The following OXR1 variants were observed in gnomAD, a reference collection of about 807,000 sequenced individuals.
OXR1 encodes the protein oxidation resistance protein 1.
A neutral mutation model predicts 104.6 loss-of-function variants in OXR1; 41 were observed. That is an observed-to-expected ratio of 0.39 (90% confidence interval 0.31 to 0.51). The LOEUF (loss-of-function observed/expected upper bound fraction) is 0.51. OXR1 is among the 20% of genes least tolerant of loss of function. The pLI is 0.77. For missense variants in OXR1, 955 were observed against 1,031.9 expected, an observed-to-expected ratio of 0.93 and a Z score of 1.02; for synonymous variants, 348 against 348.4, an observed-to-expected ratio of 1.00 and a Z score of 0.01.
At chr8:106,672,886 A>T (rs1827191075) in intron 3 of OXR1, among the ~76,000 whole-genome samples, 1 of 152,106 alleles carries the variant, frequency 6.6e-6, no homozygotes, top group South Asian at 2.1e-4. Context: ...TTCTGCTATG[A>T]TTGTAAATTT....
chr8:106,732,107 T>C (rs7817274), intron 11 of OXR1, among the ~76,000 whole-genome samples: 45,153 of 151,998 alleles, frequency 0.3, 8,725 homozygotes, highest in African/African-American at 0.55. Context: ...TGTATTTTGT[T>C]AGAATTATAT....
chr8:106,622,391 G>A (rs958215099), intron 3 of OXR1, among the ~76,000 whole-genome samples: 1 of 151,126 alleles, frequency 6.6e-6, no homozygotes, highest in African/African-American at 2.4e-5. Flanking sequence ...TCATTGTATC[G>A]CTCCTTTGTC....
Position 106,610,823 on chromosome 8 carries a change from A to G in OXR1, c.221-68387A>G, listed in dbSNP as rs373314801. 5.9e-5 allele frequency among the ~76,000 whole-genome samples: 9 copies of G among 152,374 alleles called. No homozygotes were observed. The East Asian group carries it at 1.7e-3, about 29-fold the overall frequency. On this transcript the variant is annotated intron_variant, in intron 3 of 16. Coordinates refer to ENST00000517566, the MANE Select transcript of OXR1 (RefSeq NM_001198533.2). ...ACCAATAATTAGATGCAAATTTAAA[A>G]TAAAGTAATAAGATTCTGCCTGTTT... is the stretch of plus-strand genomic sequence containing the variant.
At chr8:106,346,179 G>C (rs1267865216) in intron 1 of OXR1, among the ~76,000 whole-genome samples, 1 of 151,080 alleles carries the variant, frequency 6.6e-6, no homozygotes, top group Non-Finnish European at 1.5e-5. Context: ...AAATTTTCTT[G>C]ATATAATTTG....
intron 10 of OXR1, among the ~76,000 whole-genome samples, chr8:106,713,564 T>C (rs1191959324): frequency 1.3e-5 from 2 of 151,960 alleles, no homozygotes; most frequent in African/African-American, 4.8e-5. Flanking sequence ...AGCTTTATAA[T>C]ATACAACATC....
At chr8:106,327,335 A>G (rs1026897374) in intron 1 of OXR1, among the ~76,000 whole-genome samples, 1 of 152,246 alleles carries the variant, frequency 6.6e-6, no homozygotes, top group Admixed American at 6.5e-5. Flanking sequence ...TTTTAATTTT[A>G]AAACTAATTT....
intron 7 of OXR1, among the ~76,000 whole-genome samples, chr8:106,694,444 T>G (rs1229217861): frequency 7.3e-6 from 1 of 137,868 alleles, no homozygotes. Context: ...ATAAATATAT[T>G]TTTATATATA....
intron 2 of OXR1, among the ~76,000 whole-genome samples, chr8:106,461,172 A>G (rs1164206907): frequency 1.3e-5 from 2 of 152,158 alleles, no homozygotes; most frequent in African/African-American, 4.8e-5. Flanking sequence ...TTAGCTCACT[A>G]TGAAGAAAAA....
intron 3 of OXR1, among the ~76,000 whole-genome samples, chr8:106,659,482 C>T (rs968613465): frequency 2.6e-5 from 4 of 152,114 alleles, no homozygotes; most frequent in Non-Finnish European, 5.9e-5. Context: ...CTCTGAAGGA[C>T]GTTAACCAAA....
chr8:106,743,066 G>A (rs549548738), intron 15 of OXR1, among the ~76,000 whole-genome samples: 61 of 152,108 alleles, frequency 4.0e-4, no homozygotes, highest in South Asian at 2.3e-3. Context: ...CTAATATCCA[G>A]AATCTACAAG....
intron 1 of OXR1, among the ~76,000 whole-genome samples, chr8:106,313,023 T>C (rs948493730): frequency 1.3e-5 from 2 of 152,154 alleles, no homozygotes; most frequent in African/African-American, 4.8e-5. Context: ...AACGTGATTA[T>C]AAGGAGCATC....
intron 2 of OXR1, among the ~76,000 whole-genome samples, chr8:106,488,434 C>T (rs1810844074): frequency 6.7e-6 from 1 of 150,154 alleles, no homozygotes; most frequent in South Asian, 2.1e-4. Flanking sequence ...TTAATTAGAT[C>T]CCATTTGTCA....
chr8:106,381,715 T>C (rs1320876387), intron 2 of OXR1, among the ~76,000 whole-genome samples: 1 of 152,218 alleles, frequency 6.6e-6, no homozygotes, highest in Admixed American at 6.5e-5. Context: ...TCATCAGGGT[T>C]GGGTCAATTC....
At chr8:106,736,178 C>T (rs1460010892) in intron 11 of OXR1, among the ~76,000 whole-genome samples, 2 of 141,720 alleles carry the variant, frequency 1.4e-5, no homozygotes, top group South Asian at 2.3e-4. Flanking sequence ...CCCCCCCATC[C>T]GCCCCCAGAG....
At chr8:106,378,826 T>G (rs1817013716) in intron 2 of OXR1, among the ~76,000 whole-genome samples, 1 of 152,144 alleles carries the variant, frequency 6.6e-6, no homozygotes, top group Admixed American at 6.5e-5. Context: ...TGACTTTCTT[T>G]GGGACTTCCA....
At chr8:106,622,453 GCACACACA>G (rs34839524) in intron 3 of OXR1, among the ~76,000 whole-genome samples, 44 of 136,380 alleles carry the variant, frequency 3.2e-4, no homozygotes, top group African/African-American at 1.0e-3. Context: ...ATCACCCCCA[GCACACACA>G]CACACACACA....
At position 106,751,158 on chromosome 8, in the gene OXR1, A is replaced by T; in HGVS notation, c.*217A>T. The T allele has an allele frequency of 2.8e-6, 1 of 362,026 alleles. No individual in the cohort carries two copies. The highest frequency in any genetic ancestry group is 4.9e-6 in the Non-Finnish European group (1 of 203,350). The allele number at this position is 362,026 out of a possible 1,614,324, so 22.4% of individuals were successfully genotyped here. On this transcript the variant is annotated 3_prime_UTR_variant, in exon 17 of 17. Coordinates refer to ENST00000517566, the MANE Select transcript of OXR1 (RefSeq NM_001198533.2). ...TTAACACTAGGGACTGCGTCCATGT[A>T]CTAGTATAACAGCTTGGGTTTGTTA...
chr8:106,723,788 T>A (rs1378034825), intron 11 of OXR1, among the ~76,000 whole-genome samples: 3 of 152,120 alleles, frequency 2.0e-5, no homozygotes, highest in Non-Finnish European at 4.4e-5. Flanking sequence ...ACTTTATTTT[T>A]AAATTTATTA....
At chr8:106,473,578 G>T (rs564407311) in intron 2 of OXR1, among the ~76,000 whole-genome samples, 51 of 151,862 alleles carry the variant, frequency 3.4e-4, no homozygotes, top group South Asian at 2.7e-3. Context: ...TACACAAAGC[G>T]TATGTCTGTT....
Sources: gnomAD v4.1 joint callset for allele counts (sites outside exome capture counted in the v4.1 genomes callset) on GRCh38, gnomAD v4.1.1 for gene constraint, MANE v1.5 for transcripts, NCBI Gene and HGNC (gene_info 2026-07-23, HGNC 2026-07-21) for gene names.